The following SESN2 variants were observed in gnomAD, a reference collection of about 807,000 sequenced individuals.
The protein encoded by SESN2 is sestrin 2.
SESN2 carries 42 observed loss-of-function variants against 56.0 expected under a neutral mutation model. The ratio of observed to expected loss-of-function variants is 0.75; its 90% confidence interval spans 0.59 to 0.97. The LOEUF is 0.97. SESN2 is among the 50% of genes least tolerant of loss of function. The pLI is 0.00. For missense variants in SESN2, 507 were observed against 649.4 expected (o/e 0.78, Z 2.38); for synonymous variants, 264 against 267.1 (o/e 0.99, Z 0.11).
chr1:28,259,531 C>T lies in SESN2; in HGVS notation c.-317C>T, dbSNP rs745662631. 2.4e-5 allele frequency: 7 copies of T among 290,346 alleles called. No individual in the cohort carries two copies. Among genetic ancestry groups the T allele is most frequent in the African/African-American group, 4.4e-5 (2 of 45,934 alleles). 18.0% of individuals were successfully genotyped at this position (290,346 alleles called of 1,614,324 possible). A position where few individuals can be genotyped will look rare whatever the true frequency, so the allele number is the denominator to read the frequency against. On this transcript the variant is annotated 5_prime_UTR_variant, in exon 1 of 10. Coordinates refer to ENST00000253063, the MANE Select transcript of SESN2 (RefSeq NM_031459.5). Reference sequence around the variant, plus strand: ...AGCCCGGCGAGCGCTGGCAGTTCCGCGGCGGGGATGCTGAGGAGCGCTGGG... The same window carrying T: ...AGCCCGGCGAGCGCTGGCAGTTCCGTGGCGGGGATGCTGAGGAGCGCTGGG...
rs1648252632 is a variant in SESN2, at chr1:28,281,789, C to G, written c.*987C>G. On this transcript the variant is annotated 3_prime_UTR_variant, in exon 10 of 10. Coordinates refer to ENST00000253063, the MANE Select transcript of SESN2 (RefSeq NM_031459.5). ...CACCAGGGTTCTTGTTTGGACCCTG[C>G]CCCTGGGCCATGGCCAGGTGACCAT... 1 of 152,274 alleles carries G rather than the reference C, an allele frequency of 6.6e-6. No homozygotes were observed. The highest frequency in any genetic ancestry group is 2.4e-5 in the African/African-American group (1 of 41,446). The allele number at this position is 152,274 out of a possible 1,614,324, so 9.4% of individuals were successfully genotyped here.
chr1:28,264,038 A>G (rs896874987), intron 1 of SESN2, among the ~76,000 whole-genome samples: 2 of 150,510 alleles, frequency 1.3e-5, no homozygotes, highest in Non-Finnish European at 3.0e-5. Flanking sequence ...CAGCCTTGGC[A>G]ACACAGTGAG....
intron 1 of SESN2, among the ~76,000 whole-genome samples, chr1:28,262,621 C>CAAAAAAAAAAAAA (rs71027268): frequency 1.9e-5 from 1 of 52,486 alleles, no homozygotes; most frequent in African/African-American, 9.4e-5. Flanking sequence ...GAGTCTGTCT[C>CAAAAAAAAAAAAA]AAAAAAAAAA....
chr1:28,275,833 T>G (rs1648018359), intron 8 of SESN2, among the ~76,000 whole-genome samples: 1 of 152,022 alleles, frequency 6.6e-6, no homozygotes, highest in South Asian at 2.1e-4. Context: ...GTGAAAAGAT[T>G]GCTTGAGACC....
chr1:28,277,225 C>CA (rs1648085790), intron 8 of SESN2, among the ~76,000 whole-genome samples: 1 of 142,692 alleles, frequency 7.0e-6, no homozygotes, highest in Admixed American at 7.1e-5. Flanking sequence ...TTTTTTGAGA[C>CA]AGAGTCTTGC....
At chr1:28,264,430 G>C (rs1221231199) in intron 1 of SESN2, among the ~76,000 whole-genome samples, 1 of 152,160 alleles carries the variant, frequency 6.6e-6, no homozygotes, top group Non-Finnish European at 1.5e-5. Context: ...CCACCTAAAG[G>C]GTTAACTTTA....
At chr1:28,259,982 C>A in intron 1 of SESN2, 45 bp downstream of exon 1, 2 of 1,403,836 alleles carry the variant, frequency 1.4e-6, no homozygotes, top group Non-Finnish European at 1.9e-6. Context: ...GAACCCCGAA[C>A]CGCGTCTGAG....
chr1:28,275,331 TAG>T (rs1647996993), intron 8 of SESN2, among the ~76,000 whole-genome samples: 1 of 152,058 alleles, frequency 6.6e-6, no homozygotes, highest in Non-Finnish European at 1.5e-5. Context: ...TATATATATG[TAG>T]AGAGAGTTAT....
chr1:28,274,880 G>T lies in SESN2; in HGVS notation c.1076G>T (p.Gly359Val). The T allele has an allele frequency of 6.2e-7, 1 of 1,614,176 alleles. No individual in the cohort carries two copies. Among genetic ancestry groups the T allele is most frequent in the Non-Finnish European group, 8.5e-7 (1 of 1,180,016 alleles). ...CTGATCCAGCGGCTTTACCCTGAGG[G>T]TGGGCAGCTGCTGGATGAGAAGTTC... ...YSLIQRLYPE[G>V]GQLLDEKFQA... The change falls in exon 8 of 10, where the codon GGT becomes GTT. Residue 359 changes from glycine (G) to valine (V), a missense_variant. Transcript: ENST00000253063.
At chr1:28,273,275 C>G (rs1021780183) in intron 5 of SESN2, 83 bp from the exon 6 acceptor site, 5 of 1,359,450 alleles carry the variant, frequency 3.7e-6, no homozygotes, top group Non-Finnish European at 4.9e-6. Context: ...ATTAGGAAGG[C>G]CTGGCCTCTG....
At chr1:28,261,879 C>G (rs1365779577) in intron 1 of SESN2, among the ~76,000 whole-genome samples, 1 of 150,026 alleles carries the variant, frequency 6.7e-6, no homozygotes, top group Non-Finnish European at 1.5e-5. Context: ...CTCCCAGGTT[C>G]AAGCAATTCT....
chr1:28,272,399 G>T lies in SESN2; in HGVS notation c.470G>T (p.Arg157Leu). ...CTCCACCGGGCCCCCGAGAAGCTGC[G>T]CAAACTCAGCGAGATCAACAAGTTG... ...LGLHRAPEKL[R>L]KLSEINKLLA... is the part of the protein sequence containing the mutation. Residue 157 changes from arginine (R) to leucine (L), a missense_variant, in exon 4 of 10, where the codon CGC becomes CTC. Transcript: ENST00000253063. 1 of 1,613,514 alleles carries T rather than the reference G, an allele frequency of 6.2e-7. No individual in the cohort carries two copies.
At chr1:28,267,931 A>T (rs1052247955) in intron 1 of SESN2, among the ~76,000 whole-genome samples, 1 of 152,124 alleles carries the variant, frequency 6.6e-6, no homozygotes, top group Admixed American at 6.6e-5. Flanking sequence ...AGACAATTTG[A>T]TGACAGTGTT....
intron 1 of SESN2, among the ~76,000 whole-genome samples, chr1:28,268,764 T>C (rs1335159045): frequency 6.6e-6 from 1 of 151,568 alleles, no homozygotes; most frequent in African/African-American, 2.4e-5. Flanking sequence ...CGAACGAACA[T>C]GTGAGAGAAA....
intron 1 of SESN2, among the ~76,000 whole-genome samples, chr1:28,262,166 A>C (rs899650425): frequency 1.3e-5 from 2 of 152,098 alleles, no homozygotes; most frequent in Admixed American, 6.6e-5. Flanking sequence ...TCCTTAGAAG[A>C]CAGCAGGGTG....
At chr1:28,275,081 G>T (rs1386155021) in intron 8 of SESN2, 66 bp downstream of exon 8, 3 of 1,174,794 alleles carry the variant, frequency 2.6e-6, no homozygotes, top group Non-Finnish European at 3.5e-6. Flanking sequence ...GTTCACAGTT[G>T]TTTCCATTTT....
At chr1:28,278,201 C>G (rs972589538) in intron 8 of SESN2, among the ~76,000 whole-genome samples, 1 of 152,198 alleles carries the variant, frequency 6.6e-6, no homozygotes, top group Non-Finnish European at 1.5e-5. Flanking sequence ...CTCCACTGAC[C>G]TCCTCCTCTA....
intron 1 of SESN2, among the ~76,000 whole-genome samples, chr1:28,263,345 A>G (rs1040658640): frequency 6.6e-6 from 1 of 152,224 alleles, no homozygotes; most frequent in Non-Finnish European, 1.5e-5. Flanking sequence ...TTCCCAGCTC[A>G]TGATGGGCAG....
chr1:28,267,090 G>A (rs986781664), intron 1 of SESN2, among the ~76,000 whole-genome samples: 9 of 152,080 alleles, frequency 5.9e-5, no homozygotes, highest in Middle Eastern at 3.2e-3. Context: ...CTGTCCTCAG[G>A]TCCCCTGAGG....
Sources: allele counts gnomAD v4.1 joint callset (sites outside exome capture counted in the v4.1 genomes callset), GRCh38; gene constraint gnomAD v4.1.1; transcripts MANE v1.5; gene names NCBI Gene and HGNC (gene_info 2026-07-23, HGNC 2026-07-21).